Variants in ZNF488 observed in about 807,000 individuals in gnomAD.
The protein encoded by ZNF488 is zinc finger protein 488.
In ZNF488, 1 loss-of-function variant was observed where a neutral mutation model predicts 1.2. That is an observed-to-expected ratio of 0.86 (90% CI 0.30 to 4.07). The LOEUF (loss-of-function observed/expected upper bound fraction) is 4.07. Among genes scored for constraint, ZNF488 ranks in the 30% most tolerant of loss-of-function variants. The probability of loss-of-function intolerance (pLI) is 0.18; values close to 1 mark genes in which losing one functional copy is unlikely to be tolerated. For synonymous variants in ZNF488, 185 were observed against 190.1 expected, an observed-to-expected ratio of 0.97 and a Z score of 0.22; for missense variants, 450 against 437.9, an observed-to-expected ratio of 1.03 and a Z score of -0.25.
intron 1 of ZNF488, among the ~76,000 whole-genome samples, chr10:47,378,741 T>C (rs1033202347): frequency 6.6e-6 from 1 of 152,200 alleles, no homozygotes; most frequent in Admixed American, 6.5e-5. Flanking sequence ...TCACGTTCCC[T>C]TTTGTCACAA....
chr10:47,368,142 A>G lies in ZNF488; in HGVS notation c.688T>C (p.Cys230Arg), dbSNP rs75026444. The G allele has an allele frequency of 3.0e-3, 4,827 of 1,614,082 alleles. 14 individuals carry two copies. Among genetic ancestry groups the G allele is most frequent in the Non-Finnish European group, 3.9e-3 (4,577 of 1,180,042 alleles). ...GTAGGGGCACCCAGAAAAGTGCTAC[A>G]GAGTGGAGCATTCTGTGGCAATGCT... ...LQALPQNAPL[C>R]STFLGAPTLW... is the part of the protein sequence containing the mutation. Residue 230 changes from cysteine (C) to arginine (R), a missense_variant, in exon 2 of 2, where the codon TGT becomes CGT. By Grantham distance (180) the Cys-to-Arg change is radical. Transcript: ENST00000585316.
chr10:47,377,198 T>C (rs1555214505), intron 1 of ZNF488, among the ~76,000 whole-genome samples: 1 of 152,210 alleles, frequency 6.6e-6, no homozygotes, highest in East Asian at 1.9e-4. Context: ...ATACGCGATC[T>C]CTACGACAAG....
rs1555213375 is a variant in ZNF488 at position 47,368,698 on chromosome 10, GC to G, written c.131del (p.Gly44AlafsTer35). ...WRLSEPELGR[G>X]CKPVLLEKTN... ...TCTTCTCGAGCAGCACTGGCTTGCA[GC>G]CCCGGCCCAGCTCAGGTTCGCTAAG... On this transcript the variant is annotated frameshift_variant, in exon 2 of 2. Transcript: ENST00000585316. LOFTEE classifies it low-confidence loss of function (END_TRUNC). The G allele has an allele frequency of 1.2e-6, 2 of 1,612,714 alleles. No individual in the cohort carries two copies. The highest frequency in any genetic ancestry group is 1.7e-6 in the Non-Finnish European group (2 of 1,180,052).
In ZNF488 at chr10:47,367,623, C is replaced by T. The variant is rs959088732; in HGVS notation, c.*184G>A. 1 of 716,228 alleles carries T rather than the reference C, an allele frequency of 1.4e-6. No homozygotes were observed. Among genetic ancestry groups the T allele is most frequent in the Non-Finnish European group, 2.3e-6 (1 of 434,924 alleles). 44.4% of individuals were successfully genotyped at this position (716,228 alleles called of 1,614,324 possible). ...AGCCCATCACTTTATTTCAGGACTTCATTTCCTTCAAAACACATCATGCAG... is the reference window on the plus strand; with the variant it reads ...AGCCCATCACTTTATTTCAGGACTTTATTTCCTTCAAAACACATCATGCAG... On this transcript the variant is annotated 3_prime_UTR_variant, in exon 2 of 2. Coordinates refer to ENST00000585316, the MANE Select transcript of ZNF488 (RefSeq NM_153034.4).
Position 47,368,642 on chromosome 10 carries a change from C to T in ZNF488, c.188G>A (p.Gly63Asp), listed in dbSNP as rs1470867663. The T allele has an allele frequency of 3.1e-6, 5 of 1,610,884 alleles. No individual in the cohort carries two copies. Among genetic ancestry groups the T allele is most frequent in the South Asian group, 1.1e-5 (1 of 91,050 alleles). Residue 63 changes from glycine (G) to aspartate (D), a missense_variant, in exon 2 of 2, where the codon GGC (glycine) becomes GAC (aspartate). By Grantham distance (94) the Gly-to-Asp change is moderately conservative. Transcript: ENST00000585316. ...ACTGCCCACATCCCGGCCCGCCCTG[C>T]CCACAGCAGCCTCAGGGCCCAGGCG... Reference protein sequence around the residue: ...TNRLGPEAAVGRAGRDVGSAE... With the variant: ...TNRLGPEAAVDRAGRDVGSAE...
At chr10:47,368,990 C>A in intron 1 of ZNF488, 53 bp from the exon 2 acceptor site, 1 of 799,618 alleles carries the variant, frequency 1.3e-6, no homozygotes, top group Non-Finnish European at 1.9e-6. Context: ...CACTCAGGCA[C>A]AGTGCATCAT....
chr10:47,378,288 C>T (rs1260526752), intron 1 of ZNF488, among the ~76,000 whole-genome samples: 1 of 152,234 alleles, frequency 6.6e-6, no homozygotes, highest in Non-Finnish European at 1.5e-5. Flanking sequence ...GCACTGACCA[C>T]ATGTAAAGGT....
chr10:47,367,882 G>A lies in ZNF488; in HGVS notation c.948C>T (p.Ala316=). 1.2e-6 allele frequency: 2 copies of A among 1,614,044 alleles called. No homozygotes were observed. The highest frequency in any genetic ancestry group is 1.7e-6 in the Non-Finnish European group (2 of 1,180,036). The change falls in exon 2 of 2, where the codon GCC becomes GCT. Residue 316 remains alanine (A), a synonymous_variant. Coordinates refer to ENST00000585316, the MANE Select transcript of ZNF488 (RefSeq NM_153034.4). The stretch of plus-strand genomic sequence containing the variant: ...GCTCCTGGCACACAGGGCAGGCAAG[G>A]GCCTCTTCTCTCCGCTTCTGAGAAT... The part of the protein sequence containing the change: ...DPHSQKRREE[A]LACPVCQEHF...
In ZNF488 at chr10:47,367,720, A is replaced by G. The variant is rs1837268339; in HGVS notation, c.*87T>C. 1 of 1,462,584 alleles carries G rather than the reference A, an allele frequency of 6.8e-7. No homozygotes were observed. The highest frequency in any genetic ancestry group is 1.3e-5 in the South Asian group (1 of 74,202). 90.6% of individuals were successfully genotyped at this position (1,462,584 alleles called of 1,614,324 possible). ...AAAAGCAGCAGCTCTGCAAAGGACC[A>G]TGACAGCCCCCTCAACGCAGGCCCA... is the stretch of plus-strand genomic sequence containing the variant. On this transcript the variant is annotated 3_prime_UTR_variant, in exon 2 of 2. Coordinates refer to ENST00000585316, the MANE Select transcript of ZNF488 (RefSeq NM_153034.4).
In ZNF488 at chr10:47,367,761, C is replaced by T. The variant is rs781897417; in HGVS notation, c.*46G>A. Reference sequence around the variant, plus strand: ...CGCAGGCCCAGGGAGCCCCCCTCTGCCAAAGGCTGGCTGCTGCACCCAGCA... The same window carrying T: ...CGCAGGCCCAGGGAGCCCCCCTCTGTCAAAGGCTGGCTGCTGCACCCAGCA... On this transcript the variant is annotated 3_prime_UTR_variant, in exon 2 of 2. Transcript: ENST00000585316. 2 of 1,562,646 alleles carry T rather than the reference C, an allele frequency of 1.3e-6. No individual in the cohort carries two copies. Among genetic ancestry groups the T allele is most frequent in the Admixed American group, 1.8e-5 (1 of 54,100 alleles).
At chr10:47,371,681 G>C (rs1430213521) in intron 1 of ZNF488, among the ~76,000 whole-genome samples, 2 of 152,012 alleles carry the variant, frequency 1.3e-5, no homozygotes, top group Non-Finnish European at 2.9e-5. Flanking sequence ...GTCGGGGTCA[G>C]AATTCTGTAA....
chr10:47,373,443 A>T (rs571068794), intron 1 of ZNF488, among the ~76,000 whole-genome samples: 1 of 152,280 alleles, frequency 6.6e-6, no homozygotes, highest in East Asian at 1.9e-4. Context: ...GTGGGTTTGA[A>T]TCTCACCTCC....
chr10:47,369,443 C>T (rs11204209), intron 1 of ZNF488, among the ~76,000 whole-genome samples: 37,437 of 152,062 alleles, frequency 0.25, 4,782 homozygotes, highest in East Asian at 0.42. Flanking sequence ...ACAGGGAGGC[C>T]GCAGCATGAG....
In ZNF488 at chr10:47,368,630, C is replaced by T. The variant is rs140525708; in HGVS notation, c.200G>A (p.Arg67Gln). The change falls in exon 2 of 2, where the codon CGG (arginine) becomes CAG (glutamine). Residue 67 changes from arginine to glutamine, a missense_variant. Coordinates refer to ENST00000585316, the MANE Select transcript of ZNF488 (RefSeq NM_153034.4). ...TGCCAGCTCCGCACTGCCCACATCC[C>T]GGCCCGCCCTGCCCACAGCAGCCTC... Reference protein sequence around the residue: ...GPEAAVGRAGRDVGSAELALL... With the variant: ...GPEAAVGRAGQDVGSAELALL... 2.6e-4 allele frequency: 412 copies of T among 1,610,506 alleles called. 2 individuals carry two copies. Among genetic ancestry groups the T allele is most frequent in the African/African-American group, 2.2e-3 (164 of 75,064 alleles).
intron 1 of ZNF488, among the ~76,000 whole-genome samples, chr10:47,381,621 CT>C (rs1414833734): frequency 1.3e-5 from 2 of 152,290 alleles, no homozygotes; most frequent in Non-Finnish European, 2.9e-5. Flanking sequence ...GCAGCAATGC[CT>C]GCTGCATTCG....
chr10:47,379,297 A>C (rs1837814438), intron 1 of ZNF488, among the ~76,000 whole-genome samples: 2 of 152,362 alleles, frequency 1.3e-5, no homozygotes, highest in Non-Finnish European at 2.9e-5. Context: ...ACTTATCTCC[A>C]ATCTGCCAAA....
rs371076668 is a variant in ZNF488, at chr10:47,376,752, C to T, written c.-109+7468G>A. Reference sequence around the variant, plus strand: ...AAGCCTGAGGGTCCTCACTGGTTCCCGTGCAGACACCTACAGAGGAGCCTG... The same window carrying T: ...AAGCCTGAGGGTCCTCACTGGTTCCTGTGCAGACACCTACAGAGGAGCCTG... On this transcript the variant is annotated intron_variant, in intron 1 of 1. Coordinates refer to ENST00000585316, the MANE Select transcript of ZNF488 (RefSeq NM_153034.4). Among the ~76,000 whole-genome samples the T allele has an allele frequency of 4.1e-3, 623 of 152,324 alleles. 5 individuals carry two copies. Among genetic ancestry groups the T allele is most frequent in the African/African-American group, 0.014 (596 of 41,566 alleles).
Position 47,370,540 on chromosome 10 carries a change from G to A in ZNF488, c.-108-1603C>T, listed in dbSNP as rs960972906. Reference sequence around the variant, plus strand: ...ACTCTGAAAGTACTCTCCCTCAGGCGCTGGACTAACAACAGTCTGACCATG... The same window carrying A: ...ACTCTGAAAGTACTCTCCCTCAGGCACTGGACTAACAACAGTCTGACCATG... On this transcript the variant is annotated intron_variant, in intron 1 of 1. Coordinates refer to ENST00000585316, the MANE Select transcript of ZNF488 (RefSeq NM_153034.4). Among the ~76,000 whole-genome samples the A allele has an allele frequency of 1.1e-4, 17 of 152,194 alleles. 1 individual carries two copies. Among genetic ancestry groups the A allele is most frequent in the Admixed American group, 1.0e-3 (16 of 15,278 alleles).
Position 47,368,128 on chromosome 10 carries a change from C to G in ZNF488, c.702G>C (p.Leu234=), listed in dbSNP as rs1306249068. 3 of 1,614,180 alleles carry G rather than the reference C, an allele frequency of 1.9e-6. No individual in the cohort carries two copies. Among genetic ancestry groups the G allele is most frequent in the Non-Finnish European group, 2.5e-6 (3 of 1,180,038 alleles). ...GCTCCAGCCACAGTGTAGGGGCACC[C>G]AGAAAAGTGCTACAGAGTGGAGCAT... ...PQNAPLCSTF[L]GAPTLWLEHT... is the part of the protein sequence containing the mutation. Residue 234 remains leucine (L), a synonymous_variant, in exon 2 of 2, where the codon CTG becomes CTC. Transcript: ENST00000585316.
Sources: allele counts gnomAD v4.1 joint callset (sites outside exome capture counted in the v4.1 genomes callset), GRCh38; gene constraint gnomAD v4.1.1; transcripts MANE v1.5; gene names NCBI Gene and HGNC (gene_info 2026-07-23, HGNC 2026-07-21).